BIRC6: variants seen among roughly 807,000 people sequenced by gnomAD.
BIRC6 encodes baculoviral IAP repeat containing 6, also known as dual E2 ubiquitin-conjugating enzyme/E3 ubiquitin-protein ligase BIRC6.
Under a neutral mutation model 503.3 loss-of-function variants are expected in BIRC6, and 98 were observed. The observed-to-expected ratio is 0.19, with a 90% confidence interval of 0.17 to 0.23. The LOEUF is 0.23. Ranked by LOEUF, BIRC6 falls within the 10% of genes least tolerant of loss-of-function variation. BIRC6 has a pLI of 1.00. For synonymous variants in BIRC6, 2,240 were observed against 2,078.7 expected, an observed-to-expected ratio of 1.08 and a Z score of -2.11; for missense variants, 5,360 against 5,806.0, an observed-to-expected ratio of 0.92 and a Z score of 2.50.
chr2:32,606,058 G>A (rs540051842), intron 71 of BIRC6, among the ~76,000 whole-genome samples: 5 of 152,022 alleles, frequency 3.3e-5, no homozygotes, highest in Non-Finnish European at 7.4e-5. Context: ...CTGTTTAATC[G>A]TTGTGCCCAA....
In BIRC6 at chr2:32,476,273, A is replaced by G; in HGVS notation, c.6781A>G (p.Ile2261Val). 1 of 1,560,116 alleles carries G rather than the reference A, an allele frequency of 6.4e-7. No individual in the cohort carries two copies. The highest frequency in any genetic ancestry group is 8.7e-7 in the Non-Finnish European group (1 of 1,150,956). The stretch of plus-strand genomic sequence containing the variant: ...GGTAGAACAGATGGAAAAAGAAAAA[A>G]TACAAAGTAACAAAGGATCATCATA... ...ALVEQMEKEK[I>V]QSNKGSSYKL... Residue 2261 changes from isoleucine (I) to valine (V), a missense_variant, in exon 34 of 74, where the codon ATA becomes GTA. Physicochemically the swap from Ile to Val is conservative, Grantham distance 29. Transcript: ENST00000421745.
At chr2:32,397,332 CGT>C (rs1558616229) in intron 6 of BIRC6, among the ~76,000 whole-genome samples, 1 of 151,706 alleles carries the variant, frequency 6.6e-6, no homozygotes, top group East Asian at 2.0e-4. Flanking sequence ...ATTATCTGGG[CGT>C]GGTGGTGTGC....
At chr2:32,381,309 G>C (rs912146324) in intron 3 of BIRC6, among the ~76,000 whole-genome samples, 1 of 151,918 alleles carries the variant, frequency 6.6e-6, no homozygotes, top group African/African-American at 2.4e-5. Flanking sequence ...GCACAATCTC[G>C]GCTCACTGCA....
At chr2:32,453,984 T>C (rs768293615) in intron 23 of BIRC6, 42 bp downstream of exon 23, 1 of 1,475,884 alleles carries the variant, frequency 6.8e-7, no homozygotes, top group South Asian at 1.3e-5. Context: ...ATATACTTTA[T>C]GCAGTAATAA....
intron 23 of BIRC6, among the ~76,000 whole-genome samples, chr2:32,460,843 C>G (rs1243454175): frequency 6.6e-6 from 1 of 151,758 alleles, no homozygotes; most frequent in Non-Finnish European, 1.5e-5. Context: ...CCCCAAAATA[C>G]AAGCATGGTA....
intron 53 of BIRC6, 69 bp from the exon 54 acceptor site, chr2:32,512,864 G>A (rs562059263): frequency 2.6e-6 from 3 of 1,169,792 alleles, no homozygotes; most frequent in African/African-American, 1.5e-5. Context: ...TGCAGAGATG[G>A]TATTTATCTA....
chr2:32,512,891 C>A, intron 53 of BIRC6, 42 bp from the exon 54 acceptor site: 1 of 1,510,716 alleles, frequency 6.6e-7, no homozygotes, highest in Non-Finnish European at 9.2e-7. Context: ...ATGCCAATTG[C>A]ACTATATAGT....
At chr2:32,542,408 T>C (rs1457887049) in intron 61 of BIRC6, among the ~76,000 whole-genome samples, 3 of 152,086 alleles carry the variant, frequency 2.0e-5, no homozygotes, top group Admixed American at 6.5e-5. Flanking sequence ...TTTAATGGCG[T>C]CTCAGAGACA....
rs768827206 is a variant in BIRC6, at chr2:32,490,129, C to T, written c.8184C>T (p.Leu2728=). The T allele has an allele frequency of 1.2e-6, 2 of 1,607,294 alleles. No individual in the cohort carries two copies. The highest frequency in any genetic ancestry group is 1.7e-5 in the Admixed American group (1 of 60,016). The change falls in exon 43 of 74, where the codon CTC becomes CTT. Residue 2728 remains leucine (L), a synonymous_variant. Coordinates refer to ENST00000421745, the MANE Select transcript of BIRC6 (RefSeq NM_016252.4). ...GCCTTGTGCTTCATAGCCTAACACTCATGACAAACATGCAGCTTAATTGTA... is the reference window on the plus strand; with the variant it reads ...GCCTTGTGCTTCATAGCCTAACACTTATGACAAACATGCAGCTTAATTGTA... ...TWCLVLHSLT[L]MTNMQLNSGS...
intron 49 of BIRC6, among the ~76,000 whole-genome samples, chr2:32,503,953 G>C (rs1386558074): frequency 7.0e-6 from 1 of 143,420 alleles, no homozygotes; most frequent in East Asian, 2.1e-4. Flanking sequence ...CCGGGTTCAG[G>C]CAATTCTCAT....
chr2:32,460,083 A>G (rs554751641), intron 23 of BIRC6, among the ~76,000 whole-genome samples: 4 of 146,578 alleles, frequency 2.7e-5, no homozygotes, highest in African/African-American at 5.0e-5. Context: ...AGGTCTTCCT[A>G]TATGTTGTTG....
At chr2:32,402,812 C>G (rs1573962393) in intron 8 of BIRC6, among the ~76,000 whole-genome samples, 1 of 152,158 alleles carries the variant, frequency 6.6e-6, no homozygotes, top group South Asian at 2.1e-4. Context: ...CTTCTAGGCA[C>G]TTACTTTAAT....
Position 32,545,846 on chromosome 2 carries a change from G to T in BIRC6, c.12796G>T (p.Val4266Leu). 2 of 1,612,896 alleles carry T rather than the reference G, an allele frequency of 1.2e-6. No homozygotes were observed. The highest frequency in any genetic ancestry group is 1.7e-6 in the Non-Finnish European group (2 of 1,179,114). Residue 4266 changes from valine to leucine, a missense_variant, in exon 63 of 74, where the codon GTG becomes TTG. Val to Leu is a conservative substitution (Grantham distance 32, BLOSUM62 1). This residue lies in a region of BIRC6 where 477 missense variants were observed against 574.4 expected (regional missense o/e 0.83). Coordinates refer to ENST00000421745, the MANE Select transcript of BIRC6 (RefSeq NM_016252.4). ...TTCCCCACGAGTTCCAAACTCTAGCGTGAATCAAACTGAGGTAGGTTCACT... is the reference window on the plus strand; with the variant it reads ...TTCCCCACGAGTTCCAAACTCTAGCTTGAATCAAACTGAGGTAGGTTCACT... ...HHSPRVPNSS[V>L]NQTEPQVSSS...
chr2:32,584,466 G>C (rs1465172754), intron 66 of BIRC6, among the ~76,000 whole-genome samples: 5 of 152,140 alleles, frequency 3.3e-5, no homozygotes, highest in Non-Finnish European at 5.9e-5. Context: ...CGGGGAGGCG[G>C]AGGTTGTAGT....
intron 22 of BIRC6, among the ~76,000 whole-genome samples, chr2:32,452,378 T>G (rs902542006): frequency 1.3e-5 from 2 of 152,166 alleles, no homozygotes; most frequent in East Asian, 3.8e-4. Flanking sequence ...TATTATTAAA[T>G]GAATTAATAT....
chr2:32,558,977 A>G (rs968117320), intron 65 of BIRC6: 1 of 151,928 alleles, frequency 6.6e-6, no homozygotes, highest in African/African-American at 2.4e-5. Context: ...GTTTATGGTT[A>G]TTTCTTTTGA....
chr2:32,501,632 A>G, intron 46 of BIRC6, 81 bp from the exon 47 acceptor site: 5 of 1,226,750 alleles, frequency 4.1e-6, no homozygotes, highest in Non-Finnish European at 5.5e-6. Context: ...CGGCCTCCCA[A>G]AGTGTTGAGA....
chr2:32,612,435 T>C (rs2062942886), intron 73 of BIRC6, among the ~76,000 whole-genome samples: 1 of 152,098 alleles, frequency 6.6e-6, no homozygotes. Context: ...TGAATGTCTT[T>C]ACTCATTTCA....
At chr2:32,457,620 A>G (rs577592555) in intron 23 of BIRC6, among the ~76,000 whole-genome samples, 1 of 152,096 alleles carries the variant, frequency 6.6e-6, no homozygotes, top group Non-Finnish European at 1.5e-5. Flanking sequence ...CCCATGATAC[A>G]TTATTATAAT....
Sources: gnomAD v4.1 joint callset for allele counts (sites outside exome capture counted in the v4.1 genomes callset) on GRCh38, gnomAD v4.1.1 for gene constraint, gnomAD v4.1.1 regional missense constraint, MANE v1.5 for transcripts, NCBI Gene and HGNC (gene_info 2026-07-23, HGNC 2026-07-21) for gene names.